The following TNRC18 variants were observed in gnomAD, a reference collection of about 807,000 sequenced individuals.
TNRC18 encodes trinucleotide repeat containing 18.
In TNRC18, 69 loss-of-function variants were observed where a neutral mutation model predicts 226.7. That is an observed-to-expected ratio of 0.30 (90% CI 0.25 to 0.37). The LOEUF is 0.37. TNRC18 is among the 10% of genes least tolerant of loss of function. The pLI is 1.00. For synonymous variants in TNRC18, 2,449 were observed against 1,927.6 expected, an observed-to-expected ratio of 1.27 and a Z score of -7.09; for missense variants, 4,754 against 4,256.6, an observed-to-expected ratio of 1.12 and a Z score of -3.25.
intron 2 of TNRC18, among the ~76,000 whole-genome samples, chr7:5,406,809 C>T (rs191711427): frequency 1.6e-4 from 24 of 150,774 alleles, no homozygotes; most frequent in Admixed American, 1.1e-3. Flanking sequence ...CGAGATTGTA[C>T]CACGGCACTC....
chr7:5,314,718 A>G (rs1787665637), intron 26 of TNRC18, among the ~76,000 whole-genome samples: 1 of 151,714 alleles, frequency 6.6e-6, no homozygotes, highest in African/African-American at 2.4e-5. Context: ...GATTACAGGC[A>G]CTCACCACCA....
At position 5,363,473 on chromosome 7, in the gene TNRC18, G is replaced by T. The variant is rs554566297; in HGVS notation, c.4220-648C>A. On this transcript the variant is annotated intron_variant, in intron 11 of 29. Transcript: ENST00000430969. ...AAAAAAATTAGCCGGGTGTGGTGGCGGGCGCCTGTAGCCCCAGCTACTCGG... is the reference window on the plus strand; with the variant it reads ...AAAAAAATTAGCCGGGTGTGGTGGCTGGCGCCTGTAGCCCCAGCTACTCGG... Among the ~76,000 whole-genome samples the T allele has an allele frequency of 4.6e-5, 7 of 151,500 alleles. 1 individual carries two copies. Among genetic ancestry groups the T allele is most frequent in the African/African-American group, 1.7e-4 (7 of 41,264 alleles).
chr7:5,323,122 G>A (rs1255656895), intron 21 of TNRC18, among the ~76,000 whole-genome samples: 29 of 152,276 alleles, frequency 1.9e-4, no homozygotes, highest in Admixed American at 1.0e-3. Context: ...CCCCTGAGAC[G>A]CACACAGGCG....
intron 5 of TNRC18, 146 bp downstream of exon 5, chr7:5,387,525 TC>T: frequency 8.5e-7 from 1 of 1,177,126 alleles, no homozygotes; most frequent in South Asian, 1.4e-5. Context: ...TGGTACATGC[TC>T]GCAACAGAAC....
intron 18 of TNRC18, among the ~76,000 whole-genome samples, chr7:5,339,714 C>T (rs766334744): frequency 6.6e-6 from 1 of 151,834 alleles, no homozygotes; most frequent in Non-Finnish European, 1.5e-5. Flanking sequence ...GGATTACAGG[C>T]GCCCGCCACC....
Position 5,321,057 on chromosome 7 carries a change from C to T in TNRC18, c.6560+16G>A. On this transcript the variant is annotated intron_variant, in intron 22 of 29. Coordinates refer to ENST00000430969, the MANE Select transcript of TNRC18 (RefSeq NM_001080495.3). Reference sequence around the variant, plus strand: ...TGGGACACGGGGCTCTGTGCCGGACCTCCCACCCCACTCACATGTCTGGCG... The same window carrying T: ...TGGGACACGGGGCTCTGTGCCGGACTTCCCACCCCACTCACATGTCTGGCG... The T allele has an allele frequency of 6.6e-7, 1 of 1,524,420 alleles. No individual in the cohort carries two copies. The highest frequency in any genetic ancestry group is 2.3e-4 in the Middle Eastern group (1 of 4,400). The allele number at this position is 1,524,420 out of a possible 1,614,324, so 94.4% of individuals were successfully genotyped here.
chr7:5,368,437 T>G (rs542259685), intron 11 of TNRC18, among the ~76,000 whole-genome samples: 36 of 148,314 alleles, frequency 2.4e-4, no homozygotes. Flanking sequence ...CCAAGGCGGG[T>G]GGATCACTTG....
rs575479331 is a variant in TNRC18 at position 5,377,208 on chromosome 7, C to G, written c.2461+163G>C. 1.3e-5 allele frequency among the ~76,000 whole-genome samples: 2 copies of G among 152,312 alleles called. No individual in the cohort carries two copies. The highest frequency in any genetic ancestry group is 3.9e-4 in the East Asian group (2 of 5,174). On this transcript the variant is annotated intron_variant, in intron 7 of 29. Coordinates refer to ENST00000430969, the MANE Select transcript of TNRC18 (RefSeq NM_001080495.3). The surrounding 1 kb of genome is among the most constrained non-coding windows in gnomAD (Gnocchi z 5.8). ...AAACAGGCATGGCAGAGGGGCCCCACGAGGCAGAGGCCATTATCATTCCTT... is the reference window on the plus strand; with the variant it reads ...AAACAGGCATGGCAGAGGGGCCCCAGGAGGCAGAGGCCATTATCATTCCTT...
chr7:5,418,038 C>G (rs988418975), intron 2 of TNRC18, among the ~76,000 whole-genome samples: 1 of 152,214 alleles, frequency 6.6e-6, no homozygotes, highest in Admixed American at 6.5e-5. Flanking sequence ...ACCCAGAACC[C>G]TGGGTCCCAC....
intron 15 of TNRC18, among the ~76,000 whole-genome samples, chr7:5,357,655 A>C (rs1015399128): frequency 1.3e-5 from 2 of 151,920 alleles, no homozygotes; most frequent in African/African-American, 4.8e-5. Context: ...GCTAATTTTT[A>C]TTATTTTTAT....
intron 17 of TNRC18, among the ~76,000 whole-genome samples, chr7:5,350,440 G>T (rs1008670305): frequency 1.4e-5 from 2 of 141,106 alleles, no homozygotes; most frequent in Non-Finnish European, 3.1e-5. Flanking sequence ...GGGCGGGCGG[G>T]GGGCGGGGGC....
chr7:5,369,696 A>G (rs1313497641), intron 11 of TNRC18, among the ~76,000 whole-genome samples: 1 of 152,174 alleles, frequency 6.6e-6, no homozygotes, highest in Non-Finnish European at 1.5e-5. Flanking sequence ...ACCTGAAATT[A>G]CCTAATTACT....
intron 24 of TNRC18, among the ~76,000 whole-genome samples, chr7:5,318,377 G>T (rs1788052022): frequency 6.6e-6 from 1 of 152,042 alleles, no homozygotes; most frequent in African/African-American, 2.4e-5. Context: ...GAAGGGGTTA[G>T]AAGATAAAAG....
rs888629814 is a variant in TNRC18, at chr7:5,332,782, C to T, written c.5987G>A (p.Arg1996Gln). Reference protein sequence around the residue: ...PEASDDDLWTRRRSERIFLHD... With the variant: ...PEASDDDLWTQRRSERIFLHD... ...CAGGAAGATGCGCTCGCTGCGGCGCCGCGTCCACAGGTCGTCGTCGCTGGC... is the reference window on the plus strand; with the variant it reads ...CAGGAAGATGCGCTCGCTGCGGCGCTGCGTCCACAGGTCGTCGTCGCTGGC... Residue 1996 changes from arginine to glutamine, a missense_variant, in exon 19 of 30, where the codon CGG (arginine) becomes CAG (glutamine). By Grantham distance (43) the Arg-to-Gln change is conservative. Coordinates refer to ENST00000430969, the MANE Select transcript of TNRC18 (RefSeq NM_001080495.3). The T allele has an allele frequency of 3.3e-6, 5 of 1,513,838 alleles. No individual in the cohort carries two copies. Among genetic ancestry groups the T allele is most frequent in the Non-Finnish European group, 4.4e-6 (5 of 1,138,204 alleles). The allele number at this position is 1,513,838 out of a possible 1,614,324, so 93.8% of individuals were successfully genotyped here.
At chr7:5,417,148 C>T (rs1398234977) in intron 2 of TNRC18, among the ~76,000 whole-genome samples, 2 of 147,776 alleles carry the variant, frequency 1.4e-5, no homozygotes, top group South Asian at 2.1e-4. Flanking sequence ...GAGTAAAACC[C>T]TGTCTCTAAA....
At chr7:5,398,513 C>G (rs1272146473) in intron 2 of TNRC18, among the ~76,000 whole-genome samples, 1 of 151,468 alleles carries the variant, frequency 6.6e-6, no homozygotes, top group Admixed American at 6.6e-5. Flanking sequence ...GAGATGAGGT[C>G]TTGCGATGTT....
In TNRC18 at chr7:5,325,226, C is replaced by T; in HGVS notation, c.6170G>A (p.Gly2057Glu). The change falls in exon 20 of 30, where the codon GGG (glycine) becomes GAG (glutamate). Residue 2057 changes from glycine (G) to glutamate (E), a missense_variant. Coordinates refer to ENST00000430969, the MANE Select transcript of TNRC18 (RefSeq NM_001080495.3). The stretch of plus-strand genomic sequence containing the variant: ...GGGCGGCGGCAGCCCAGCTCCTGGC[C>T]CAGCCTCTTTCCCTTTCTTCTTCTG... ...PRKKKKGKEA[G>E]PGAGLPPPRA... 3.9e-6 allele frequency: 6 copies of T among 1,553,868 alleles called. No individual in the cohort carries two copies. The highest frequency in any genetic ancestry group is 5.2e-6 in the Non-Finnish European group (6 of 1,153,158).
chr7:5,335,492 A>C (rs1790002343), intron 18 of TNRC18, among the ~76,000 whole-genome samples: 1 of 151,428 alleles, frequency 6.6e-6, no homozygotes. Context: ...CTGTAGTCCC[A>C]GCTACTCAAG....
In TNRC18 at chr7:5,387,793, C is replaced by T. The variant is rs533987269; in HGVS notation, c.2031G>A (p.Val677=). Residue 677 remains valine (V), a synonymous_variant, in exon 5 of 30, where the codon GTG becomes GTA. Transcript: ENST00000430969. ...CTGCAATGCCCACAGGCGGGTGTCG[C>T]ACTTCTGCCTCACCCTGGGCACCAG... ...EGSGAQGEAE[V]RHPPVGIAVA... is the part of the protein sequence containing the mutation. 6.2e-7 allele frequency: 1 copy of T among 1,607,454 alleles called. No homozygotes were observed. The highest frequency in any genetic ancestry group is 2.2e-5 in the East Asian group (1 of 44,860).
Sources: gnomAD v4.1 joint callset for allele counts (sites outside exome capture counted in the v4.1 genomes callset) on GRCh38, gnomAD v4.1.1 for gene constraint, Gnocchi (gnomAD v3.1) non-coding constraint, MANE v1.5 for transcripts, NCBI Gene and HGNC (gene_info 2026-07-23, HGNC 2026-07-21) for gene names.